CAST: variants seen among roughly 807,000 people sequenced by gnomAD.
The protein encoded by CAST is calpastatin, also known as MIR583 host.
Under a neutral mutation model 119.6 loss-of-function variants are expected in CAST, and 76 were observed. The observed-to-expected ratio is 0.64, with a 90% confidence interval of 0.53 to 0.77. CAST has a LOEUF of 0.77. CAST is among the 30% of genes least tolerant of loss of function. CAST has a pLI of 0.00. For missense variants in CAST, 953 were observed against 946.5 expected (o/e 1.01, Z -0.09); for synonymous variants, 319 against 331.6 (o/e 0.96, Z 0.41).
the CAST span, among the ~76,000 whole-genome samples, chr5:96,364,383 A>G: frequency 2.0e-5 from 3 of 152,220 alleles, no homozygotes; most frequent in East Asian, 5.8e-4. Context: ...TTTTGTATTG[A>G]TTGGAATAGT....
intron 1 of CAST, among the ~76,000 whole-genome samples, chr5:96,671,960 A>C (rs577913347): frequency 2.0e-5 from 3 of 152,378 alleles, no homozygotes; most frequent in Non-Finnish European, 4.4e-5. Context: ...TTGACTTTAC[A>C]TCATTAACAG....
At chr5:96,096,602 T>C in the CAST span, among the ~76,000 whole-genome samples, 7 of 152,236 alleles carry the variant, frequency 4.6e-5, no homozygotes, top group Admixed American at 3.3e-4. Context: ...CAATCTTGTT[T>C]CCATTTTATT....
rs34230121 is a variant in CAST at position 96,650,728 on chromosome 5, T to TTGTGTGTGTGTG, written c.61-24783_61-24772dup. On this transcript the variant is annotated intron_variant, in intron 1 of 11. Transcript: ENST00000505143. ...GTCTCCCTACCTCTTACCCACTTAATTGTGTGTGTGTGTGTGTGTGTGTGT... is the reference window on the plus strand; with the variant it reads ...GTCTCCCTACCTCTTACCCACTTAATTGTGTGTGTGTGTGTGTGTGTGTGTGTGTGTGTGTGT... Among the ~76,000 whole-genome samples, 291 of 142,160 alleles carry TTGTGTGTGTGTG rather than the reference T, an allele frequency of 2.0e-3. 1 individual carries two copies. The highest frequency in any genetic ancestry group is 0.016 in the East Asian group (76 of 4,778). The allele number at this position is 142,160 out of a possible 152,430, so 93.3% of individuals were successfully genotyped here. A position where few individuals can be genotyped will look rare whatever the true frequency, so the allele number is the denominator to read the frequency against.
the CAST span, among the ~76,000 whole-genome samples, chr5:96,204,386 C>T: frequency 2.6e-5 from 4 of 151,990 alleles, no homozygotes; most frequent in African/African-American, 9.7e-5. Context: ...CACTGATGCA[C>T]AAAGATGATT....
intron 1 of CAST, among the ~76,000 whole-genome samples, chr5:96,669,608 A>T (rs1260518883): frequency 6.6e-6 from 1 of 152,248 alleles, no homozygotes; most frequent in Non-Finnish European, 1.5e-5. Context: ...ATGTGCAAAT[A>T]TGAAAATATG....
chr5:95,993,465 AGGGTGCATT>A, the CAST span, among the ~76,000 whole-genome samples: 1 of 152,162 alleles, frequency 6.6e-6, no homozygotes, highest in African/African-American at 2.4e-5. Flanking sequence ...TGGAGTGGAA[AGGGTGCATT>A]TGCTAGCCAG....
intron 15 of CAST, chr5:96,741,968 A>G (rs1226450482): frequency 5.7e-6 from 1 of 174,152 alleles, no homozygotes; most frequent in African/African-American, 2.4e-5. Flanking sequence ...ATTCTCAACT[A>G]TATTTCACTA....
chr5:96,223,747 C>T, the CAST span, among the ~76,000 whole-genome samples: 1 of 152,208 alleles, frequency 6.6e-6, no homozygotes, highest in African/African-American at 2.4e-5. Flanking sequence ...TGCTTCTTCT[C>T]CATCTGTCCT....
At chr5:96,406,113 A>T in the CAST span, among the ~76,000 whole-genome samples, 3 of 152,126 alleles carry the variant, frequency 2.0e-5, no homozygotes, top group Non-Finnish European at 2.9e-5. Flanking sequence ...TGACATTTTC[A>T]ATCTCAACTC....
At chr5:96,624,317 AT>A (rs1290803380) in intron 1 of CAST, among the ~76,000 whole-genome samples, 2 of 152,216 alleles carry the variant, frequency 1.3e-5, no homozygotes, top group Non-Finnish European at 2.9e-5. Context: ...AGCACATGGC[AT>A]TGAACAAGTT....
At chr5:96,739,292 G>A (rs1762236950) in intron 11 of CAST, among the ~76,000 whole-genome samples, 1 of 152,164 alleles carries the variant, frequency 6.6e-6, no homozygotes, top group Admixed American at 6.5e-5. Context: ...CCTTGCCCAT[G>A]TGTGCAAGGA....
At chr5:96,424,831 C>T in the CAST span, among the ~76,000 whole-genome samples, 4 of 151,658 alleles carry the variant, frequency 2.6e-5, no homozygotes, top group Admixed American at 1.3e-4. Context: ...GGCATGGTGG[C>T]GGGCATCTGT....
chr5:96,110,379 T>A, the CAST span, among the ~76,000 whole-genome samples: 1 of 152,204 alleles, frequency 6.6e-6, no homozygotes, highest in African/African-American at 2.4e-5. Context: ...AATCCTCTGA[T>A]AAAGTAAGAT....
At chr5:96,445,194 A>G in the CAST span, among the ~76,000 whole-genome samples, 8 of 152,046 alleles carry the variant, frequency 5.3e-5, no homozygotes, top group African/African-American at 1.9e-4. Context: ...TCTGGGGAAA[A>G]CACCTTCAGT....
chr5:96,099,480 T>C, the CAST span, among the ~76,000 whole-genome samples: 1 of 152,218 alleles, frequency 6.6e-6, no homozygotes, highest in African/African-American at 2.4e-5. Context: ...ATGGATCTTA[T>C]TATTTTGAGG....
chr5:96,332,235 A>G, the CAST span, among the ~76,000 whole-genome samples: 2 of 152,192 alleles, frequency 1.3e-5, no homozygotes, highest in East Asian at 1.9e-4. Flanking sequence ...CATTTATTAT[A>G]AGACCATGTT....
At chr5:96,140,330 G>C in the CAST span, among the ~76,000 whole-genome samples, 1 of 152,208 alleles carries the variant, frequency 6.6e-6, no homozygotes, top group African/African-American at 2.4e-5. Context: ...CCAGGAACCC[G>C]TTGTTTCTCT....
At chr5:96,082,185 T>G in the CAST span, among the ~76,000 whole-genome samples, 1 of 152,348 alleles carries the variant, frequency 6.6e-6, no homozygotes, top group East Asian at 1.9e-4. Context: ...GTGCTGGGAT[T>G]ACAGGTGTGA....
At chr5:96,478,253 G>A in the CAST span, among the ~76,000 whole-genome samples, 1 of 151,416 alleles carries the variant, frequency 6.6e-6, no homozygotes, top group Non-Finnish European at 1.5e-5. Context: ...TCCGCAAGAA[G>A]TAAAAATATT....
Sources: gnomAD v4.1 joint callset for allele counts (sites outside exome capture counted in the v4.1 genomes callset) on GRCh38, gnomAD v4.1.1 for gene constraint, MANE v1.5 for transcripts, NCBI Gene and HGNC (gene_info 2026-07-23, HGNC 2026-07-21) for gene names.